The following GIMD1 variants were observed in gnomAD, a reference collection of about 807,000 sequenced individuals.
GIMD1 encodes the protein GIMAP family P-loop NTPase domain containing 1, also known as GTPase IMAP family member GIMD1.
GIMD1 carries 14 observed loss-of-function variants against 14.9 expected under a neutral mutation model. The ratio of observed to expected loss-of-function variants is 0.94; its 90% CI spans 0.62 to 1.47. The LOEUF (loss-of-function observed/expected upper bound fraction) is 1.47. GIMD1 is among the 40% of genes most tolerant of loss of function. The pLI is 0.00. For synonymous variants in GIMD1, 91 were observed against 90.5 expected (o/e 1.01, Z -0.03); for missense variants, 272 against 255.3 (o/e 1.07, Z -0.44).
Position 106,357,641 on chromosome 4 carries a change from A to G in GIMD1, c.*542T>C, listed in dbSNP as rs1770549191. 6.6e-6 allele frequency: 1 copy of G among 152,216 alleles called. No homozygotes were observed. Among genetic ancestry groups the G allele is most frequent in the African/African-American group, 2.4e-5 (1 of 41,536 alleles). The allele number at this position is 152,216 out of a possible 1,614,324, so 9.4% of individuals were successfully genotyped here. A position where few individuals can be genotyped will look rare whatever the true frequency, so the allele number is the denominator to read the frequency against. ...CAATTTCCAGCACTTCTACCATCAG[A>G]GTAGTTTAGATTACATTTGTTTTAC... On this transcript the variant is annotated 3_prime_UTR_variant, in exon 3 of 3. Coordinates refer to ENST00000638719, the MANE Select transcript of GIMD1 (RefSeq NM_001195138.2).
At chr4:106,361,717 G>A (rs1182332220) in intron 2 of GIMD1, among the ~76,000 whole-genome samples, 1 of 152,022 alleles carries the variant, frequency 6.6e-6, no homozygotes, top group Non-Finnish European at 1.5e-5. Flanking sequence ...CTTACCCTTA[G>A]ATATGTATTG....
intron 2 of GIMD1, among the ~76,000 whole-genome samples, chr4:106,364,915 C>T (rs1379812604): frequency 1.3e-5 from 2 of 152,122 alleles, no homozygotes; most frequent in African/African-American, 2.4e-5. Flanking sequence ...CTATTAAAAC[C>T]TATTTTCAAA....
chr4:106,367,136 G>A lies in GIMD1; in HGVS notation c.300C>T (p.Phe100=), dbSNP rs922202978. 128 of 1,535,202 alleles carry A rather than the reference G, an allele frequency of 8.3e-5. No homozygotes were observed. Among genetic ancestry groups the A allele is most frequent in the Non-Finnish European group, 1.0e-4 (119 of 1,146,448 alleles). The change falls in exon 2 of 3, where the codon TTC becomes TTT. Residue 100 remains phenylalanine, a synonymous_variant. Coordinates refer to ENST00000638719, the MANE Select transcript of GIMD1 (RefSeq NM_001195138.2). ...GTGCAAGGTGGAGACCCCCTTGCCC[G>A]AAGTGATGTGCCAGAGCCTCTTTGA... ...QEVKEALAHH[F]GQGGLHLALL...
intron 2 of GIMD1, 97 bp downstream of exon 2, chr4:106,366,946 T>TAAA (rs1252958231): frequency 3.0e-6 from 1 of 332,968 alleles, no homozygotes. Flanking sequence ...ACTAATAGTA[T>TAAA]AATAATAATA....
rs1770745982 is a variant in GIMD1, at chr4:106,368,772, T to C, written c.-65A>G. On this transcript the variant is annotated 5_prime_UTR_variant, in exon 1 of 3. Transcript: ENST00000638719. ...TCTCTCGCCCTGGCACAGTTGTTCT[T>C]TCATATGAACTTTCACCTTCTGATA... 3 of 398,358 alleles carry C rather than the reference T, an allele frequency of 7.5e-6. No homozygotes were observed. The highest frequency in any genetic ancestry group is 3.6e-5 in the East Asian group (1 of 28,088). The allele number at this position is 398,358 out of a possible 1,614,324, so 24.7% of individuals were successfully genotyped here.
At position 106,367,291 on chromosome 4, in the gene GIMD1, G is replaced by A; in HGVS notation, c.145C>T (p.Leu49=). The part of the protein sequence containing the change: ...APCSVTTCCS[L]GRSCHLHSFM... ...CTGTGGAGGTGACAACTGCGGCCCA[G>A]GCTACAACATGTGGTCACAGAACAG... The change falls in exon 2 of 3, where the codon CTG becomes TTG. Residue 49 remains leucine (L), a synonymous_variant. Transcript: ENST00000638719. The A allele has an allele frequency of 3.9e-6, 6 of 1,535,988 alleles. No individual in the cohort carries two copies. The highest frequency in any genetic ancestry group is 4.4e-6 in the Non-Finnish European group (5 of 1,146,844).
chr4:106,361,087 G>T (rs1358408032), intron 2 of GIMD1, among the ~76,000 whole-genome samples: 1 of 152,040 alleles, frequency 6.6e-6, no homozygotes, highest in Non-Finnish European at 1.5e-5. Context: ...AACCATTAGG[G>T]CTGGAGCCTG....
chr4:106,366,237 C>T (rs1561041782), intron 2 of GIMD1, among the ~76,000 whole-genome samples: 1 of 152,106 alleles, frequency 6.6e-6, no homozygotes, highest in African/African-American at 2.4e-5. Context: ...TGAATTGTTT[C>T]CCTATGAATA....
intron 1 of GIMD1, among the ~76,000 whole-genome samples, chr4:106,367,836 A>AAAGT (rs146578076): frequency 0.067 from 10,231 of 152,232 alleles, 374 homozygotes; most frequent in Non-Finnish European, 0.082. Context: ...GTAGTATTTA[A>AAAGT]AAGTTATTCA....
At chr4:106,359,870 A>G (rs1201582029) in intron 2 of GIMD1, among the ~76,000 whole-genome samples, 2 of 151,922 alleles carry the variant, frequency 1.3e-5, no homozygotes, top group African/African-American at 2.4e-5. Flanking sequence ...AAACATCACA[A>G]TCATGGTCAC....
At chr4:106,365,524 A>G (rs1239158806) in intron 2 of GIMD1, among the ~76,000 whole-genome samples, 1 of 152,132 alleles carries the variant, frequency 6.6e-6, no homozygotes, top group Non-Finnish European at 1.5e-5. Context: ...CTGGGCTGTA[A>G]CAGGGCCTAT....
chr4:106,358,086 C>A lies in GIMD1; in HGVS notation c.*97G>T, dbSNP rs1770558522. 2.5e-6 allele frequency: 2 copies of A among 803,182 alleles called. No homozygotes were observed. Among genetic ancestry groups the A allele is most frequent in the African/African-American group, 3.5e-5 (2 of 57,462 alleles). The allele number at this position is 803,182 out of a possible 1,614,324, so 49.8% of individuals were successfully genotyped here. On this transcript the variant is annotated 3_prime_UTR_variant, in exon 3 of 3. Transcript: ENST00000638719. ...ATGTACACTCTCACCAGCAGCATAT[C>A]AGAATACTTATGGTCCACATTCATG...
At chr4:106,364,429 C>G (rs1341745686) in intron 2 of GIMD1, among the ~76,000 whole-genome samples, 1 of 152,194 alleles carries the variant, frequency 6.6e-6, no homozygotes, top group Non-Finnish European at 1.5e-5. Flanking sequence ...GACCTAACAG[C>G]TTCTTGCTCC....
chr4:106,365,924 C>A (rs1183539542), intron 2 of GIMD1, among the ~76,000 whole-genome samples: 2 of 144,060 alleles, frequency 1.4e-5, no homozygotes, highest in African/African-American at 5.4e-5. Context: ...CACACACACA[C>A]ATGTACACAC....
rs140616164 is a variant in GIMD1 at position 106,363,323 on chromosome 4, A to G, written c.393+3720T>C. 7.9e-4 allele frequency among the ~76,000 whole-genome samples: 120 copies of G among 152,228 alleles called. 1 individual carries two copies. The East Asian group carries it at 0.019, about 24-fold the overall frequency. ...GAAGCAGACACTACTGTCTTTCTCA[A>G]TTTACCAATGAAGTTTACAGAAGTT... On this transcript the variant is annotated intron_variant, in intron 2 of 2. Coordinates refer to ENST00000638719, the MANE Select transcript of GIMD1 (RefSeq NM_001195138.2).
rs893846505 is a variant in GIMD1 at position 106,357,955 on chromosome 4, T to C, written c.*228A>G. 19 of 370,584 alleles carry C rather than the reference T, an allele frequency of 5.1e-5. No individual in the cohort carries two copies. Among genetic ancestry groups the C allele is most frequent in the African/African-American group, 4.0e-4 (19 of 48,040 alleles). The allele number at this position is 370,584 out of a possible 1,614,324, so 23.0% of individuals were successfully genotyped here. Reference sequence around the variant, plus strand: ...AGTACACAAATGTACACATTTATGTTGGGTATACACTTAGGAGTGTAATTG... The same window carrying C: ...AGTACACAAATGTACACATTTATGTCGGGTATACACTTAGGAGTGTAATTG... On this transcript the variant is annotated 3_prime_UTR_variant, in exon 3 of 3. Transcript: ENST00000638719.
At chr4:106,358,769 T>C (rs1194387644) in intron 2 of GIMD1, among the ~76,000 whole-genome samples, 1 of 151,960 alleles carries the variant, frequency 6.6e-6, no homozygotes, top group Non-Finnish European at 1.5e-5. Context: ...CATTTATACT[T>C]GTCTGACTAC....
In GIMD1 at chr4:106,367,706, C is replaced by A. The variant is rs553917636; in HGVS notation, c.-2-269G>T. On this transcript the variant is annotated intron_variant, in intron 1 of 2. Transcript: ENST00000638719. ...AGGATTTAGGAAACAGAAAAAATCC[C>A]AAATTACATGAAGATCATAAAAACC... Among the ~76,000 whole-genome samples the A allele has an allele frequency of 2.0e-5, 3 of 152,184 alleles. 1 individual carries two copies. In the South Asian group the frequency reaches 6.2e-4, roughly 32 times the overall value.
chr4:106,362,257 G>A (rs936365718), intron 2 of GIMD1, among the ~76,000 whole-genome samples: 7 of 152,090 alleles, frequency 4.6e-5, no homozygotes, highest in African/African-American at 1.4e-4. Context: ...TCTTTAAGTC[G>A]ATTTTGGCCA....
Sources: gnomAD v4.1 joint callset for allele counts (sites outside exome capture counted in the v4.1 genomes callset) on GRCh38, gnomAD v4.1.1 for gene constraint, MANE v1.5 for transcripts, NCBI Gene and HGNC (gene_info 2026-07-23, HGNC 2026-07-21) for gene names.